MCUB: variants seen among roughly 807,000 people sequenced by gnomAD.
MCUB encodes the protein calcium uniporter regulatory subunit MCUb, mitochondrial.
In MCUB, 46 loss-of-function variants were observed where a neutral mutation model predicts 41.4. The ratio of observed to expected loss-of-function variants is 1.11; its 90% CI spans 0.88 to 1.42. MCUB has a LOEUF of 1.42. MCUB is among the 40% of genes most tolerant of loss of function. The probability of loss-of-function intolerance (pLI) is 0.00; values close to 1 mark genes in which losing one functional copy is unlikely to be tolerated. For missense variants in MCUB, 403 were observed against 404.9 expected, an observed-to-expected ratio of 1.00 and a Z score of 0.04; for synonymous variants, 148 against 148.2, an observed-to-expected ratio of 1.00 and a Z score of 0.01.
intron 1 of MCUB, among the ~76,000 whole-genome samples, chr4:109,573,520 C>A (rs1726962380): frequency 1.3e-5 from 2 of 151,358 alleles, no homozygotes; most frequent in Non-Finnish European, 2.9e-5. Context: ...AAGGTTGTTT[C>A]TCTTAATGGG....
At position 109,687,989 on chromosome 4, in the gene MCUB, C is replaced by G. The variant is rs1472710243; in HGVS notation, c.*397C>G. 1 of 158,600 alleles carries G rather than the reference C, an allele frequency of 6.3e-6. No individual in the cohort carries two copies. Among genetic ancestry groups the G allele is most frequent in the African/African-American group, 2.4e-5 (1 of 41,676 alleles). 9.8% of individuals were successfully genotyped at this position (158,600 alleles called of 1,614,324 possible). On this transcript the variant is annotated 3_prime_UTR_variant, in exon 8 of 8. Transcript: ENST00000394650. ...CAAACTCCTGGGCTCAAGCAACCCT[C>G]CTGCCTCAACCTCCCACGGAATCGT...
At position 109,680,323 on chromosome 4, in the gene MCUB, C is replaced by T. The variant is rs569611817; in HGVS notation, c.452-2259C>T. On this transcript the variant is annotated intron_variant, in intron 4 of 7. Transcript: ENST00000394650. Reference sequence around the variant, plus strand: ...GGCCCAGTAACATTAACCAACTATCCACTTTTTGTAAATTTTCATTTCCCT... The same window carrying T: ...GGCCCAGTAACATTAACCAACTATCTACTTTTTGTAAATTTTCATTTCCCT... 7.9e-5 allele frequency among the ~76,000 whole-genome samples: 12 copies of T among 152,268 alleles called. No homozygotes were observed. In the South Asian group the frequency reaches 2.5e-3, roughly 32 times the overall value.
intron 4 of MCUB, among the ~76,000 whole-genome samples, chr4:109,673,279 C>T (rs181764895): frequency 1.3e-4 from 20 of 152,316 alleles, no homozygotes; most frequent in African/African-American, 4.8e-4. Flanking sequence ...TACAGGCCAT[C>T]CCATTACTCC....
At chr4:109,635,814 C>G (rs1728576825) in intron 1 of MCUB, among the ~76,000 whole-genome samples, 1 of 152,214 alleles carries the variant, frequency 6.6e-6, no homozygotes, top group African/African-American at 2.4e-5. Flanking sequence ...TGGTGTTTCT[C>G]CACTCATCCG....
At chr4:109,598,716 C>T (rs1727652169) in intron 1 of MCUB, among the ~76,000 whole-genome samples, 1 of 152,074 alleles carries the variant, frequency 6.6e-6, no homozygotes, top group African/African-American at 2.4e-5. Context: ...GCTGGTGAGG[C>T]CTGGTTACAA....
chr4:109,643,462 G>A (rs931432441), intron 1 of MCUB, among the ~76,000 whole-genome samples: 3 of 151,974 alleles, frequency 2.0e-5, no homozygotes, highest in Non-Finnish European at 4.4e-5. Flanking sequence ...TGGGATTACA[G>A]GGATAAGCCA....
chr4:109,673,152 A>G (rs1729496442), intron 4 of MCUB, among the ~76,000 whole-genome samples: 1 of 152,208 alleles, frequency 6.6e-6, no homozygotes, highest in African/African-American at 2.4e-5. Context: ...GGAAGAGGAA[A>G]TCCCTGTTAA....
At chr4:109,658,918 G>A (rs984518559) in intron 1 of MCUB, 93 bp from the exon 2 acceptor site, 9 of 786,746 alleles carry the variant, frequency 1.1e-5, no homozygotes, top group Admixed American at 8.5e-5. Context: ...TTTTCATATA[G>A]TATTAAAAAG....
At position 109,589,417 on chromosome 4, in the gene MCUB, C is replaced by T. The variant is rs143765159; in HGVS notation, c.99+28981C>T. ...TTACTCTAACCCAGGAAGTGCTTCC[C>T]GTCTCTCTGCAAACATGAATCCTGT... On this transcript the variant is annotated intron_variant, in intron 1 of 7. Coordinates refer to ENST00000394650, the MANE Select transcript of MCUB (RefSeq NM_017918.5). Among the ~76,000 whole-genome samples, 33 of 152,274 alleles carry T rather than the reference C, an allele frequency of 2.2e-4. 1 individual carries two copies. The East Asian group carries it at 4.8e-3, about 22-fold the overall frequency.
At chr4:109,575,526 T>C (rs1038959539) in intron 1 of MCUB, among the ~76,000 whole-genome samples, 10 of 152,186 alleles carry the variant, frequency 6.6e-5, no homozygotes, top group African/African-American at 2.4e-4. Context: ...TCCAGCCACA[T>C]TCGTTTAATT....
intron 4 of MCUB, among the ~76,000 whole-genome samples, chr4:109,667,033 T>C (rs577587624): frequency 2.4e-4 from 37 of 152,286 alleles, no homozygotes; most frequent in African/African-American, 8.7e-4. Flanking sequence ...ACGAGAGATA[T>C]TGGTCTGTGG....
At chr4:109,624,949 A>G (rs570718669) in intron 1 of MCUB, among the ~76,000 whole-genome samples, 150 of 152,186 alleles carry the variant, frequency 9.9e-4, no homozygotes, top group African/African-American at 3.4e-3. Context: ...AGACCAGCCT[A>G]GCCAACATGG....
chr4:109,673,919 A>G (rs1755143897), intron 4 of MCUB: 2 of 778,782 alleles, frequency 2.6e-6, no homozygotes, highest in Non-Finnish European at 4.8e-6. Flanking sequence ...AAAGCTAAAG[A>G]GGCACCATTC....
chr4:109,599,905 A>G (rs1349286921), intron 1 of MCUB, among the ~76,000 whole-genome samples: 1 of 152,174 alleles, frequency 6.6e-6, no homozygotes, highest in African/African-American at 2.4e-5. Flanking sequence ...CCTGACCTCA[A>G]GCAGTCCGCT....
At chr4:109,567,933 A>C (rs1726820361) in intron 1 of MCUB, among the ~76,000 whole-genome samples, 1 of 152,102 alleles carries the variant, frequency 6.6e-6, no homozygotes, top group Non-Finnish European at 1.5e-5. Context: ...TGCTGACCTC[A>C]GGTGATCCAC....
chr4:109,674,527 C>T (rs1214105417), intron 4 of MCUB, among the ~76,000 whole-genome samples: 3 of 152,204 alleles, frequency 2.0e-5, no homozygotes, highest in African/African-American at 4.8e-5. Flanking sequence ...CAACTTTTGT[C>T]TGCGTGTTTT....
intron 1 of MCUB, among the ~76,000 whole-genome samples, chr4:109,621,285 G>T (rs759292427): frequency 2.6e-5 from 4 of 152,132 alleles, no homozygotes; most frequent in African/African-American, 7.2e-5. Flanking sequence ...CTAATAGACT[G>T]AATTGGTTGG....
rs560765894 is a variant in MCUB at position 109,650,069 on chromosome 4, G to A, written c.100-8942G>A. On this transcript the variant is annotated intron_variant, in intron 1 of 7. Transcript: ENST00000394650. ...ACTATCATATCCCCCTATCAAGGGG[G>A]GAATGGTAGGCTCCTCAAGATGGGT... Among the ~76,000 whole-genome samples the A allele has an allele frequency of 3.9e-5, 6 of 152,276 alleles. No individual in the cohort carries two copies. The East Asian group carries it at 5.8e-4, about 15-fold the overall frequency.
chr4:109,675,440 A>T (rs2126149259), intron 4 of MCUB, among the ~76,000 whole-genome samples: 1 of 152,324 alleles, frequency 6.6e-6, no homozygotes, highest in Admixed American at 6.5e-5. Context: ...TTGAACCAAC[A>T]TTTGCATAGT....
Sources: allele counts gnomAD v4.1 joint callset (sites outside exome capture counted in the v4.1 genomes callset), GRCh38; gene constraint gnomAD v4.1.1; transcripts MANE v1.5; gene names NCBI Gene and HGNC (gene_info 2026-07-23, HGNC 2026-07-21).